Variants in MAST4 observed in about 807,000 individuals in gnomAD.
MAST4 encodes the protein microtubule-associated serine/threonine-protein kinase 4.
MAST4 carries 89 observed loss-of-function variants against 162.7 expected under a neutral mutation model. That is an observed-to-expected ratio of 0.55 (90% CI 0.46 to 0.65). The LOEUF (loss-of-function observed/expected upper bound fraction) is 0.65, where lower values mean the gene tolerates loss of function less well. Among genes scored for constraint, MAST4 ranks in the 30% least tolerant of loss-of-function variants. MAST4 has a pLI of 0.00. For synonymous variants in MAST4, 1,479 were observed against 1,361.1 expected, an observed-to-expected ratio of 1.09 and a Z score of -1.91; for missense variants, 3,153 against 3,374.0, an observed-to-expected ratio of 0.93 and a Z score of 1.62.
rs1561576410 is a variant in MAST4 at position 67,049,037 on chromosome 5, A to G, written c.675-5367A>G. Among the ~76,000 whole-genome samples, 20 of 107,762 alleles carry G rather than the reference A, an allele frequency of 1.9e-4. 1 individual carries two copies. The highest frequency in any genetic ancestry group is 2.8e-4 in the Non-Finnish European group (15 of 53,852). 70.7% of individuals were successfully genotyped at this position (107,762 alleles called of 152,430 possible). A position where few individuals can be genotyped will look rare whatever the true frequency, so the allele number is the denominator to read the frequency against. ...TATATATATACGTATATATATATAT[A>G]TATACGTGTATATATATATATACGT... On this transcript the variant is annotated intron_variant, in intron 4 of 28. Transcript: ENST00000403625.
At chr5:67,128,471 A>C (rs2150982832) in intron 14 of MAST4, among the ~76,000 whole-genome samples, 2 of 152,330 alleles carry the variant, frequency 1.3e-5, no homozygotes. Flanking sequence ...TGAGAAGAAA[A>C]ATATGAGCAA....
intron 4 of MAST4, among the ~76,000 whole-genome samples, chr5:66,917,594 C>CTTTT (rs59415824): frequency 0.011 from 1,384 of 127,822 alleles, 25 homozygotes; most frequent in African/African-American, 0.034. Context: ...GATTCTCTTT[C>CTTTT]TTTTTTTTTT....
At chr5:66,980,769 A>G (rs1581094381) in intron 4 of MAST4, among the ~76,000 whole-genome samples, 1 of 152,142 alleles carries the variant, frequency 6.6e-6, no homozygotes, top group East Asian at 1.9e-4. Context: ...TTCAGTTATC[A>G]CTCTTCTCCA....
intron 3 of MAST4, among the ~76,000 whole-genome samples, chr5:66,811,790 C>G (rs914794052): frequency 6.6e-6 from 1 of 152,064 alleles, no homozygotes; most frequent in Non-Finnish European, 1.5e-5. Context: ...ATTGCACACT[C>G]TAAATAATGG....
chr5:67,031,564 G>A (rs1019585418), intron 4 of MAST4, among the ~76,000 whole-genome samples: 7 of 152,092 alleles, frequency 4.6e-5, no homozygotes, highest in African/African-American at 1.7e-4. Flanking sequence ...TTAAAGTAGA[G>A]GTTATTTGCA....
chr5:67,113,724 C>A (rs1766537564), intron 11 of MAST4, among the ~76,000 whole-genome samples: 1 of 152,160 alleles, frequency 6.6e-6, no homozygotes, highest in African/African-American at 2.4e-5. Context: ...CTCAAATCTT[C>A]TGGATGGAAA....
intron 4 of MAST4, among the ~76,000 whole-genome samples, chr5:67,022,445 C>T (rs1216820204): frequency 6.6e-6 from 1 of 151,416 alleles, no homozygotes; most frequent in Non-Finnish European, 1.5e-5. Flanking sequence ...TATGTTATTG[C>T]CAAATTCATG....
At chr5:66,945,942 A>C (rs1227742027) in intron 4 of MAST4, among the ~76,000 whole-genome samples, 5 of 152,178 alleles carry the variant, frequency 3.3e-5, no homozygotes, top group Non-Finnish European at 7.4e-5. Flanking sequence ...GAGATGGCTT[A>C]TAAGGTTTAT....
chr5:66,687,648 C>G (rs1414500593), intron 1 of MAST4, among the ~76,000 whole-genome samples: 1 of 142,054 alleles, frequency 7.0e-6, no homozygotes, highest in Non-Finnish European at 1.5e-5. Context: ...ATCTATCTAT[C>G]TATCTATCTA....
At chr5:67,116,515 G>C (rs1046678618) in intron 12 of MAST4, among the ~76,000 whole-genome samples, 1 of 151,750 alleles carries the variant, frequency 6.6e-6, no homozygotes, top group Non-Finnish European at 1.5e-5. Context: ...CTTGAGGCTA[G>C]TTTTTAATCT....
At chr5:66,663,123 C>G (rs756747651) in intron 1 of MAST4, 1 of 152,282 alleles carries the variant, frequency 6.6e-6, no homozygotes, top group Non-Finnish European at 1.5e-5. Context: ...GCCATCACAC[C>G]TGACCTCTTT....
chr5:66,806,441 A>G (rs1255412885), intron 3 of MAST4, among the ~76,000 whole-genome samples: 2 of 152,222 alleles, frequency 1.3e-5, no homozygotes, highest in African/African-American at 4.8e-5. Context: ...CATCTAAATT[A>G]TGGGCATCAT....
intron 4 of MAST4, among the ~76,000 whole-genome samples, chr5:67,036,141 A>C (rs996480093): frequency 1.1e-4 from 17 of 152,206 alleles, no homozygotes; most frequent in Admixed American, 1.0e-3. Flanking sequence ...GTATAGAGGA[A>C]GGAAAAAATA....
At chr5:66,848,361 G>A (rs983409389) in intron 3 of MAST4, among the ~76,000 whole-genome samples, 13 of 152,094 alleles carry the variant, frequency 8.5e-5, no homozygotes, top group Admixed American at 8.5e-4. Context: ...AGTAACATTT[G>A]TCATAAAATA....
At chr5:66,836,005 A>T (rs561953909) in intron 3 of MAST4, among the ~76,000 whole-genome samples, 1 of 152,082 alleles carries the variant, frequency 6.6e-6, no homozygotes, top group South Asian at 2.1e-4. Context: ...ACTTGTCTCT[A>T]TAAAAAAATA....
chr5:66,737,709 T>C (rs1349523969), intron 1 of MAST4, among the ~76,000 whole-genome samples: 8 of 152,326 alleles, frequency 5.3e-5, no homozygotes, highest in Non-Finnish European at 1.5e-5. Context: ...TAGAGGTTTC[T>C]GAGTGATACC....
intron 1 of MAST4, among the ~76,000 whole-genome samples, chr5:66,758,592 C>T (rs1010410999): frequency 6.6e-6 from 1 of 151,908 alleles, no homozygotes; most frequent in Non-Finnish European, 1.5e-5. Flanking sequence ...TGTGCAATGA[C>T]TTTGAATATG....
intron 14 of MAST4, among the ~76,000 whole-genome samples, 160 bp from the exon 15 acceptor site, chr5:67,130,050 A>T (rs1158160132): frequency 1.3e-5 from 2 of 152,218 alleles, no homozygotes; most frequent in East Asian, 3.8e-4. Context: ...AAAGGAGTTT[A>T]GCCTGGGATG....
At chr5:66,840,224 T>C (rs1273214091) in intron 3 of MAST4, among the ~76,000 whole-genome samples, 1 of 152,158 alleles carries the variant, frequency 6.6e-6, no homozygotes, top group African/African-American at 2.4e-5. Flanking sequence ...AGAAGCTAGG[T>C]CTAGAAATAT....
Sources: gnomAD v4.1 joint callset for allele counts (sites outside exome capture counted in the v4.1 genomes callset) on GRCh38, gnomAD v4.1.1 for gene constraint, MANE v1.5 for transcripts, NCBI Gene and HGNC (gene_info 2026-07-23, HGNC 2026-07-21) for gene names.